Variants in ARHGAP22 observed in about 807,000 individuals in gnomAD.
The protein encoded by ARHGAP22 is rho GTPase-activating protein 22.
Under a neutral mutation model 59.1 loss-of-function variants are expected in ARHGAP22, and 48 were observed. The observed-to-expected ratio is 0.81, with a 90% CI of 0.64 to 1.03. ARHGAP22 has a LOEUF of 1.03. ARHGAP22 is among the 50% of genes least tolerant of loss of function. The pLI is 0.00. For synonymous variants in ARHGAP22, 445 were observed against 416.4 expected, an observed-to-expected ratio of 1.07 and a Z score of -0.84; for missense variants, 1,015 against 958.7, an observed-to-expected ratio of 1.06 and a Z score of -0.78.
chr10:48,455,973 G>A (rs186689690), intron 5 of ARHGAP22, among the ~76,000 whole-genome samples: 2 of 152,280 alleles, frequency 1.3e-5, no homozygotes, highest in East Asian at 1.9e-4. Context: ...GCTCTGGCTC[G>A]GAGCTGCCAA....
intron 2 of ARHGAP22, among the ~76,000 whole-genome samples, chr10:48,581,432 C>T (rs1214883963): frequency 6.6e-6 from 1 of 152,244 alleles, no homozygotes; most frequent in African/African-American, 2.4e-5. Flanking sequence ...GCACAGCTAG[C>T]ATGCTAGGTC....
rs1319205206 is a variant in ARHGAP22, at chr10:48,562,811, G to A, written c.235-7261C>T. ...ATGTCAATTATACCTCAATAAAGCT[G>A]TTAAGAAAAACTGAATTTGATTCAG... On this transcript the variant is annotated intron_variant, in intron 2 of 9. Transcript: ENST00000249601. Among the ~76,000 whole-genome samples the A allele has an allele frequency of 2.0e-5, 3 of 152,168 alleles. No individual in the cohort carries two copies. In the East Asian group the frequency reaches 5.8e-4, roughly 29 times the overall value.
chr10:48,569,960 G>A (rs150167474), intron 2 of ARHGAP22, among the ~76,000 whole-genome samples: 1 of 152,296 alleles, frequency 6.6e-6, no homozygotes, highest in Non-Finnish European at 1.5e-5. Flanking sequence ...CATTTCAGGG[G>A]CCTGCTCTCA....
chr10:48,576,280 G>A (rs965867905), intron 2 of ARHGAP22, among the ~76,000 whole-genome samples: 1 of 152,162 alleles, frequency 6.6e-6, no homozygotes, highest in African/African-American at 2.4e-5. Flanking sequence ...AGAGGCCAGC[G>A]TGGGGCTCAG....
chr10:48,656,265 T>TGGGGGGGGGGGG (rs760924651), upstream of ARHGAP22: 1 of 101,630 alleles, frequency 9.8e-6, no homozygotes, highest in Non-Finnish European at 1.9e-5. Flanking sequence ...TCGGCGCCTC[T>TGGGGGGGGGGGG]GGGGGGGGGG....
chr10:48,580,702 A>C (rs1037454298), intron 2 of ARHGAP22, among the ~76,000 whole-genome samples: 5 of 152,140 alleles, frequency 3.3e-5, no homozygotes, highest in Non-Finnish European at 5.9e-5. Flanking sequence ...GGGAGGCCAG[A>C]AGGAAATGAC....
chr10:48,588,338 T>C (rs1283169168), intron 1 of ARHGAP22, among the ~76,000 whole-genome samples: 1 of 152,228 alleles, frequency 6.6e-6, no homozygotes, highest in Non-Finnish European at 1.5e-5. Context: ...CTACTGAAGC[T>C]GCAAAACCAG....
In ARHGAP22 at chr10:48,450,992, G is replaced by T. The variant is rs751436972; in HGVS notation, c.1137C>A (p.Ser379Arg). 37 of 1,559,844 alleles carry T rather than the reference G, an allele frequency of 2.4e-5. No individual in the cohort carries two copies. The highest frequency in any genetic ancestry group is 3.2e-5 in the Non-Finnish European group (37 of 1,152,510). The change falls in exon 9 of 10, where the codon AGC (serine) becomes AGA (arginine). Residue 379 changes from serine to arginine, a missense_variant. Ser to Arg is a moderately radical substitution (Grantham distance 110, BLOSUM62 -1). Transcript: ENST00000249601. ...GGCCGGGGCCGCCGGGCTCTCCTTG[G>T]CTGTCCCTGGTGACCTCCTCGGAGC... is the stretch of plus-strand genomic sequence containing the variant. The part of the protein sequence containing the change: ...GWGSEEVTRD[S>R]QGEPGGPGLP...
intron 2 of ARHGAP22, among the ~76,000 whole-genome samples, chr10:48,556,185 G>T (rs1375525628): frequency 1.3e-5 from 2 of 152,148 alleles, no homozygotes; most frequent in African/African-American, 4.8e-5. Context: ...ATAGGGACGG[G>T]GAGGCTGGCT....
intron 1 of ARHGAP22, among the ~76,000 whole-genome samples, chr10:48,630,497 T>A (rs2061594648): frequency 6.6e-6 from 1 of 152,266 alleles, no homozygotes; most frequent in African/African-American, 2.4e-5. Flanking sequence ...TTTATACTTT[T>A]CTGCATAAAG....
intron 3 of ARHGAP22, among the ~76,000 whole-genome samples, chr10:48,548,871 C>A (rs183677944): frequency 4.6e-5 from 7 of 152,282 alleles, no homozygotes; most frequent in African/African-American, 1.4e-4. Context: ...TTCATGCCTG[C>A]CCCGGGGGAG....
At chr10:48,500,967 G>A (rs928160051) in intron 3 of ARHGAP22, among the ~76,000 whole-genome samples, 1 of 151,078 alleles carries the variant, frequency 6.6e-6, no homozygotes, top group Non-Finnish European at 1.5e-5. Flanking sequence ...GAGAAATTTT[G>A]TATAAAATTT....
intron 1 of ARHGAP22, among the ~76,000 whole-genome samples, chr10:48,622,357 G>A (rs1439895975): frequency 6.6e-6 from 1 of 151,132 alleles, no homozygotes; most frequent in Non-Finnish European, 1.5e-5. Context: ...TGTTTGGTTG[G>A]GTTTGAGTTT....
At chr10:48,513,124 T>C (rs1272855356) in intron 3 of ARHGAP22, among the ~76,000 whole-genome samples, 1 of 152,154 alleles carries the variant, frequency 6.6e-6, no homozygotes, top group Non-Finnish European at 1.5e-5. Flanking sequence ...CAGAGCTCAC[T>C]CTGCAGGAAA....
Position 48,447,062 on chromosome 10 carries a change from G to A in ARHGAP22, c.1869-443C>T, listed in dbSNP as rs185894526. 1.5e-3 allele frequency among the ~76,000 whole-genome samples: 222 copies of A among 152,254 alleles called. 1 individual carries two copies. The highest frequency in any genetic ancestry group is 3.4e-3 in the Middle Eastern group (1 of 294). On this transcript the variant is annotated intron_variant, in intron 9 of 9. Transcript: ENST00000249601. ...CACTGTCCCCATGATCCAGCCACAC[G>A]TGGTGACCCACAGAAGATCCTGTGG...
chr10:48,479,851 TG>T, intron 3 of ARHGAP22, 87 bp from the exon 4 acceptor site: 1 of 1,334,940 alleles, frequency 7.5e-7, no homozygotes, highest in Non-Finnish European at 9.9e-7. Flanking sequence ...TTACTCCCTG[TG>T]GGATATTCCC....
chr10:48,535,753 TC>T (rs2055289155), intron 3 of ARHGAP22, among the ~76,000 whole-genome samples: 1 of 152,222 alleles, frequency 6.6e-6, no homozygotes, highest in Non-Finnish European at 1.5e-5. Flanking sequence ...TGAATTGAAT[TC>T]CAACTTCTAC....
chr10:48,585,470 T>C (rs2377517), intron 1 of ARHGAP22, among the ~76,000 whole-genome samples: 121,969 of 152,150 alleles, frequency 0.8, 49,297 homozygotes, highest in East Asian at 1. Flanking sequence ...GTCCAATCAC[T>C]CCAACACTGA....
In ARHGAP22 at chr10:48,545,935, C is replaced by G. The variant is rs530168162; in HGVS notation, c.322+9528G>C. On this transcript the variant is annotated intron_variant, in intron 3 of 9. Coordinates refer to ENST00000249601, the MANE Select transcript of ARHGAP22 (RefSeq NM_021226.4). ...TCGGAGGTCACTGGGCCAGCCCTCT[C>G]GTCTTACACAGGGGGAAACTGAGAT... Among the ~76,000 whole-genome samples the G allele has an allele frequency of 4.6e-5, 7 of 152,268 alleles. No homozygotes were observed. The South Asian group carries it at 1.5e-3, about 32-fold the overall frequency.
Sources: gnomAD v4.1 joint callset for allele counts (sites outside exome capture counted in the v4.1 genomes callset) on GRCh38, gnomAD v4.1.1 for gene constraint, MANE v1.5 for transcripts, NCBI Gene and HGNC (gene_info 2026-07-23, HGNC 2026-07-21) for gene names.